FLVCR1: variants seen among roughly 807,000 people sequenced by gnomAD.
FLVCR1 encodes choline/ethanolamine transporter FLVCR1.
In FLVCR1, 34 loss-of-function variants were observed where a neutral mutation model predicts 53.6. The ratio of observed to expected loss-of-function variants is 0.63; its 90% confidence interval spans 0.48 to 0.84. The LOEUF is 0.84. FLVCR1 is among the 40% of genes least tolerant of loss of function. The probability of loss-of-function intolerance (pLI) is 0.00; values close to 1 mark genes in which losing one functional copy is unlikely to be tolerated. For missense variants in FLVCR1, 677 were observed against 696.7 expected, an observed-to-expected ratio of 0.97 and a Z score of 0.32; for synonymous variants, 300 against 286.3, an observed-to-expected ratio of 1.05 and a Z score of -0.48.
intron 8 of FLVCR1, among the ~76,000 whole-genome samples, chr1:212,893,068 G>A (rs997675317): frequency 1.5e-5 from 1 of 67,434 alleles, no homozygotes; most frequent in Non-Finnish European, 4.5e-5. Context: ...TTTTTTTTGG[G>A]GGGGGGTGCC....
chr1:212,858,356 T>G lies in FLVCR1; in HGVS notation c.-97T>G. ...GGGAAGGAGCGGTGGGCCGAGGGGTTGGAGGTGGGGCCCCAGGAGGACCTC... is the reference window on the plus strand; with the variant it reads ...GGGAAGGAGCGGTGGGCCGAGGGGTGGGAGGTGGGGCCCCAGGAGGACCTC... On this transcript the variant is annotated 5_prime_UTR_variant, in exon 1 of 10. Coordinates refer to ENST00000366971, the MANE Select transcript of FLVCR1 (RefSeq NM_014053.4). The G allele has an allele frequency of 1.7e-6, 2 of 1,180,200 alleles. No individual in the cohort carries two copies. Among genetic ancestry groups the G allele is most frequent in the Non-Finnish European group, 2.3e-6 (2 of 878,136 alleles). 73.1% of individuals were successfully genotyped at this position (1,180,200 alleles called of 1,614,324 possible).
intron 5 of FLVCR1, among the ~76,000 whole-genome samples, chr1:212,885,792 C>T (rs1356069816): frequency 1.3e-5 from 2 of 151,896 alleles, no homozygotes; most frequent in Admixed American, 1.3e-4. Flanking sequence ...ACCTTGTGAT[C>T]CACCCGCCTC....
At chr1:212,874,916 T>TACACACACACACACACAC (rs57061343) in intron 3 of FLVCR1, among the ~76,000 whole-genome samples, 32 of 149,468 alleles carry the variant, frequency 2.1e-4, no homozygotes, top group South Asian at 4.2e-4. Flanking sequence ...GTCACAGACG[T>TACACACACACACACACAC]ACACACACAC....
intron 4 of FLVCR1, among the ~76,000 whole-genome samples, chr1:212,884,192 G>A (rs1395180637): frequency 6.6e-6 from 1 of 152,214 alleles, no homozygotes; most frequent in African/African-American, 2.4e-5. Context: ...CCAGCTATTC[G>A]GGAGGCTGAG....
intron 3 of FLVCR1, among the ~76,000 whole-genome samples, chr1:212,881,301 C>CTTTTT (rs35751115): frequency 5.0e-5 from 6 of 119,668 alleles, no homozygotes; most frequent in East Asian, 2.5e-4. Context: ...ATTTCTTTGT[C>CTTTTT]TTTTTTTTTT....
In FLVCR1 at chr1:212,897,160, C is replaced by CT. The variant is rs1665359586; in HGVS notation, c.*1871dup. 1 of 141,980 alleles carries CT rather than the reference C, an allele frequency of 7.0e-6. No homozygotes were observed. The highest frequency in any genetic ancestry group is 1.5e-5 in the Non-Finnish European group (1 of 66,072). 8.8% of individuals were successfully genotyped at this position (141,980 alleles called of 1,614,324 possible). A position where few individuals can be genotyped will look rare whatever the true frequency, so the allele number is the denominator to read the frequency against. ...CTCCAGCCTGGGAGATAAAGTGAGA[C>CT]TGTCTCAAATAAATAAATAAATAAA... is the stretch of plus-strand genomic sequence containing the variant. On this transcript the variant is annotated 3_prime_UTR_variant, in exon 10 of 10. Transcript: ENST00000366971.
rs769200783 is a variant in FLVCR1, at chr1:212,858,759, C to T, written c.307C>T (p.Leu103Phe). ...AESSPLPLTA[L>F]SPRRFVVLLI... ...GAGCAGCCCGCTGCCCCTTACGGCG[C>T]TCTCCCCGCGGCGCTTCGTGGTGCT... Residue 103 changes from leucine to phenylalanine, a missense_variant, in exon 1 of 10, where the codon CTC (leucine) becomes TTC (phenylalanine). Physicochemically the swap from Leu to Phe is conservative, Grantham distance 22 (BLOSUM62 0). Transcript: ENST00000366971. 12 of 1,613,620 alleles carry T rather than the reference C, an allele frequency of 7.4e-6. No individual in the cohort carries two copies. Among genetic ancestry groups the T allele is most frequent in the Non-Finnish European group, 1.0e-5 (12 of 1,179,948 alleles).
intron 2 of FLVCR1, among the ~76,000 whole-genome samples, chr1:212,866,352 C>T (rs1664428772): frequency 6.6e-6 from 1 of 152,072 alleles, no homozygotes; most frequent in African/African-American, 2.4e-5. Context: ...AACTCCTGAC[C>T]TCAAATGATC....
intron 3 of FLVCR1, among the ~76,000 whole-genome samples, chr1:212,873,964 A>G (rs1026978083): frequency 2.0e-5 from 3 of 152,148 alleles, no homozygotes; most frequent in Non-Finnish European, 4.4e-5. Flanking sequence ...ACAGTTATCA[A>G]TATTTTGCCA....
intron 3 of FLVCR1, among the ~76,000 whole-genome samples, chr1:212,874,216 C>T (rs565087594): frequency 6.6e-6 from 1 of 152,308 alleles, no homozygotes; most frequent in East Asian, 1.9e-4. Context: ...ACCATGTTGG[C>T]CAGGCTGGTC....
chr1:212,897,206 T>TAAAA lies in FLVCR1; in HGVS notation c.*1919_*1920insAAAA, dbSNP rs886702226. The TAAAA allele has an allele frequency of 7.8e-5, 10 of 127,664 alleles. No individual in the cohort carries two copies. Among genetic ancestry groups the TAAAA allele is most frequent in the Admixed American group, 4.5e-4 (5 of 11,090 alleles). The allele number at this position is 127,664 out of a possible 1,614,324, so 7.9% of individuals were successfully genotyped here. A position where few individuals can be genotyped will look rare whatever the true frequency, so the allele number is the denominator to read the frequency against. ...ATAAATAAATAAATAAATAAATAAA[T>TAAAA]AAATAAAACCTGAGGTTGAGCACGA... On this transcript the variant is annotated 3_prime_UTR_variant, in exon 10 of 10. Coordinates refer to ENST00000366971, the MANE Select transcript of FLVCR1 (RefSeq NM_014053.4).
chr1:212,877,802 A>G (rs1572019816), intron 3 of FLVCR1, among the ~76,000 whole-genome samples: 1 of 151,624 alleles, frequency 6.6e-6, no homozygotes, highest in Non-Finnish European at 1.5e-5. Context: ...ATATTATACT[A>G]AAGGCAAAAG....
chr1:212,894,259 T>C (rs1456357656), intron 8 of FLVCR1, among the ~76,000 whole-genome samples: 2 of 152,164 alleles, frequency 1.3e-5, no homozygotes, highest in Non-Finnish European at 2.9e-5. Flanking sequence ...GTTCAAGTGA[T>C]TCTTCTGTCT....
intron 1 of FLVCR1, among the ~76,000 whole-genome samples, chr1:212,860,650 C>A (rs1173254009): frequency 3.3e-5 from 5 of 152,076 alleles, no homozygotes; most frequent in African/African-American, 1.2e-4. Context: ...TTATTGTTTA[C>A]ATGTTCATAT....
Position 212,858,445 on chromosome 1 carries a change from C to G in FLVCR1, c.-8C>G. 7.0e-7 allele frequency: 1 copy of G among 1,433,776 alleles called. No individual in the cohort carries two copies. The highest frequency in any genetic ancestry group is 9.1e-7 in the Non-Finnish European group (1 of 1,099,122). The allele number at this position is 1,433,776 out of a possible 1,614,324, so 88.8% of individuals were successfully genotyped here. Reference sequence around the variant, plus strand: ...GGGGGAGCGAGGTGGCGCCGGGGAGCCTGGGATATGGCGCGGCCAGACGAT... The same window carrying G: ...GGGGGAGCGAGGTGGCGCCGGGGAGGCTGGGATATGGCGCGGCCAGACGAT... On this transcript the variant is annotated 5_prime_UTR_variant, in exon 1 of 10. Transcript: ENST00000366971.
At chr1:212,883,497 A>G (rs1415223385) in intron 4 of FLVCR1, 59 bp downstream of exon 4, 2 of 899,278 alleles carry the variant, frequency 2.2e-6, no homozygotes, top group Non-Finnish European at 1.8e-6. Context: ...TTAGCAATAT[A>G]ATTGTCGTTA....
chr1:212,894,936 A>G (rs766651801), intron 8 of FLVCR1, 50 bp from the exon 9 acceptor site: 8 of 1,302,446 alleles, frequency 6.1e-6, no homozygotes, highest in Non-Finnish European at 8.9e-6. Flanking sequence ...TGCTTTTTAA[A>G]AAAATCTTCA....
At chr1:212,887,404 G>A (rs1010604960) in intron 5 of FLVCR1, among the ~76,000 whole-genome samples, 14 of 152,196 alleles carry the variant, frequency 9.2e-5, no homozygotes, top group Non-Finnish European at 2.1e-4. Context: ...GGCATTATGT[G>A]ATCCCTGTTC....
intron 3 of FLVCR1, among the ~76,000 whole-genome samples, chr1:212,880,563 C>T (rs1439309738): frequency 6.6e-6 from 1 of 152,036 alleles, no homozygotes; most frequent in African/African-American, 2.4e-5. Context: ...TTTGGTAGGA[C>T]AAGGCAGGCA....
Sources: gnomAD v4.1 joint callset for allele counts (sites outside exome capture counted in the v4.1 genomes callset) on GRCh38, gnomAD v4.1.1 for gene constraint, MANE v1.5 for transcripts, NCBI Gene and HGNC (gene_info 2026-07-23, HGNC 2026-07-21) for gene names.